RARB: variants seen among roughly 807,000 people sequenced by gnomAD.
RARB encodes HBV-activated protein.
Under a neutral mutation model 51.9 loss-of-function variants are expected in RARB, and 17 were observed. That is an observed-to-expected ratio of 0.33 (90% CI 0.22 to 0.49). RARB has a LOEUF of 0.49. Among genes scored for constraint, RARB ranks in the 20% least tolerant of loss-of-function variants. The pLI, the probability that RARB is intolerant of heterozygous loss-of-function variation, is 0.99. For missense variants in RARB, 369 were observed against 550.8 expected (o/e 0.67, Z 3.30); for synonymous variants, 215 against 195.4 (o/e 1.10, Z -0.84).
intron 2 of RARB, among the ~76,000 whole-genome samples, chr3:24,900,986 G>A (rs1050556443): frequency 6.6e-6 from 1 of 152,102 alleles, no homozygotes; most frequent in Non-Finnish European, 1.5e-5. Flanking sequence ...TTCCCATAAC[G>A]CAACCAGGAC....
At chr3:25,498,111 G>A (rs1697128692) in intron 2 of RARB, among the ~76,000 whole-genome samples, 1 of 152,170 alleles carries the variant, frequency 6.6e-6, no homozygotes. Flanking sequence ...CTTATTTCAT[G>A]AGTACCTTCT....
At chr3:25,163,126 C>T (rs893926665) in intron 4 of RARB, among the ~76,000 whole-genome samples, 2 of 152,184 alleles carry the variant, frequency 1.3e-5, no homozygotes, top group Non-Finnish European at 2.9e-5. Context: ...GCTGAATGTC[C>T]TATTATGTGT....
At chr3:25,332,162 C>G (rs1023001162) in intron 5 of RARB, among the ~76,000 whole-genome samples, 8 of 152,182 alleles carry the variant, frequency 5.3e-5, no homozygotes, top group Non-Finnish European at 1.5e-5. Flanking sequence ...GGAATCCTCC[C>G]TAACTCATTT....
intron 5 of RARB, among the ~76,000 whole-genome samples, chr3:25,276,039 T>C (rs1328030114): frequency 6.6e-6 from 1 of 152,250 alleles, no homozygotes; most frequent in Non-Finnish European, 1.5e-5. Context: ...ACTTAACCTC[T>C]CTGAGGCTCA....
At chr3:25,491,398 C>G (rs995802356) in intron 2 of RARB, among the ~76,000 whole-genome samples, 1 of 152,200 alleles carries the variant, frequency 6.6e-6, no homozygotes, top group Non-Finnish European at 1.5e-5. Context: ...AGAGGCATCC[C>G]AAGGGGATCC....
intron 5 of RARB, among the ~76,000 whole-genome samples, chr3:25,368,862 C>A (rs1192022875): frequency 6.6e-6 from 1 of 152,186 alleles, no homozygotes; most frequent in Non-Finnish European, 1.5e-5. Flanking sequence ...TTTGGATAGT[C>A]ATTCCTTACT....
chr3:25,095,758 A>T (rs899514940), intron 3 of RARB, among the ~76,000 whole-genome samples: 11 of 152,140 alleles, frequency 7.2e-5, no homozygotes, highest in Admixed American at 4.6e-4. Context: ...AAAAGGAAAA[A>T]TGGGCCTCTG....
At chr3:25,344,023 G>T (rs1026777463) in intron 5 of RARB, among the ~76,000 whole-genome samples, 1 of 152,156 alleles carries the variant, frequency 6.6e-6, no homozygotes, top group Non-Finnish European at 1.5e-5. Context: ...GGCAAATGGA[G>T]ACCAAAGAAT....
At chr3:25,325,306 A>C (rs1704681814) in intron 5 of RARB, among the ~76,000 whole-genome samples, 1 of 152,062 alleles carries the variant, frequency 6.6e-6, no homozygotes, top group African/African-American at 2.4e-5. Flanking sequence ...ACCAGAGGTC[A>C]TTTTCATGGC....
chr3:25,245,176 T>A (rs1460833124), intron 5 of RARB, among the ~76,000 whole-genome samples: 1 of 152,188 alleles, frequency 6.6e-6, no homozygotes, highest in Non-Finnish European at 1.5e-5. Context: ...CCTCCATCCC[T>A]TTATTTTGAG....
chr3:25,003,114 T>C (rs1340455991), intron 2 of RARB, among the ~76,000 whole-genome samples: 1 of 151,960 alleles, frequency 6.6e-6, no homozygotes, highest in African/African-American at 2.4e-5. Context: ...ATCTTGATCC[T>C]CATAGCCTTT....
chr3:25,138,817 C>G (rs1366874599), intron 4 of RARB, among the ~76,000 whole-genome samples: 1 of 152,014 alleles, frequency 6.6e-6, no homozygotes, highest in Non-Finnish European at 1.5e-5. Flanking sequence ...TTGTGCTTTG[C>G]TTTATTGTAC....
upstream of RARB, among the ~76,000 whole-genome samples, chr3:25,425,758 T>C (rs1353953163): frequency 2.0e-5 from 3 of 152,208 alleles, no homozygotes; most frequent in African/African-American, 7.2e-5. Flanking sequence ...GAAGCAGTGG[T>C]CTCGCTCAAT....
chr3:25,122,979 C>G (rs975398022), intron 3 of RARB, among the ~76,000 whole-genome samples: 1 of 152,164 alleles, frequency 6.6e-6, no homozygotes, highest in African/African-American at 2.4e-5. Flanking sequence ...TTCGCCACAG[C>G]ACATGTACAC....
Position 25,107,025 on chromosome 3 carries a change from C to T in RARB, c.-327-25136C>T, listed in dbSNP as rs547212489. On this transcript the variant is annotated intron_variant, in intron 3 of 11. Coordinates refer to the RARB transcript ENST00000383772. ...AAGCAATTCTCCTGCCTCAGCCTCC[C>T]GAATAGCTGGGATTACAGGTAAGCA... Among the ~76,000 whole-genome samples the T allele has an allele frequency of 1.8e-4, 27 of 152,134 alleles. No homozygotes were observed. The South Asian group carries it at 5.0e-3, about 28-fold the overall frequency.
intron 5 of RARB, among the ~76,000 whole-genome samples, chr3:25,248,960 A>G (rs1428575938): frequency 6.6e-6 from 1 of 152,108 alleles, no homozygotes; most frequent in Non-Finnish European, 1.5e-5. Context: ...AGCTTTCTGT[A>G]TCTTAATATC....
At chr3:24,900,963 C>A (rs1348943049) in intron 2 of RARB, among the ~76,000 whole-genome samples, 1 of 152,142 alleles carries the variant, frequency 6.6e-6, no homozygotes, top group Non-Finnish European at 1.5e-5. Flanking sequence ...TATTGGAAGA[C>A]AATATGGTAG....
At chr3:25,032,192 T>A (rs755205694) in intron 2 of RARB, among the ~76,000 whole-genome samples, 3 of 152,218 alleles carry the variant, frequency 2.0e-5, no homozygotes, top group Non-Finnish European at 4.4e-5. Flanking sequence ...ACAATAGCCA[T>A]CATTAAAATT....
chr3:24,855,387 T>A (rs533381662), intron 1 of RARB, among the ~76,000 whole-genome samples: 16 of 152,232 alleles, frequency 1.1e-4, no homozygotes, highest in African/African-American at 3.9e-4. Flanking sequence ...GGAAAATAGT[T>A]GGAAAAGAAA....
Sources: allele counts gnomAD v4.1 joint callset (sites outside exome capture counted in the v4.1 genomes callset), GRCh38; gene constraint gnomAD v4.1.1; transcripts MANE v1.5; gene names NCBI Gene and HGNC (gene_info 2026-07-23, HGNC 2026-07-21).